Variants in ZNF627 observed in about 807,000 individuals in gnomAD.
ZNF627 encodes the protein zinc finger protein 627.
ZNF627 carries 12 observed loss-of-function variants against 10.6 expected under a neutral mutation model. The ratio of observed to expected loss-of-function variants is 1.13; its 90% confidence interval spans 0.73 to 1.84. The LOEUF (loss-of-function observed/expected upper bound fraction) is 1.84, where lower values mean the gene tolerates loss of function less well. Among genes scored for constraint, ZNF627 ranks in the 40% most tolerant of loss-of-function variants. ZNF627 has a pLI of 0.00. For synonymous variants in ZNF627, 176 were observed against 187.1 expected (o/e 0.94, Z 0.48); for missense variants, 504 against 568.4 (o/e 0.89, Z 1.15).
Position 11,618,209 on chromosome 19 carries a change from C to CA in ZNF627, c.*321dup. 1 of 257,000 alleles carries CA rather than the reference C, an allele frequency of 3.9e-6. No homozygotes were observed. Among genetic ancestry groups the CA allele is most frequent in the Non-Finnish European group, 7.4e-6 (1 of 135,986 alleles). 15.9% of individuals were successfully genotyped at this position (257,000 alleles called of 1,614,324 possible). ...GGAAGTAAGTTAAGAAGGCATTAGT[C>CA]ATGGTTTGGAAGCACCATACAGGGA... On this transcript the variant is annotated 3_prime_UTR_variant, in exon 4 of 4. Coordinates refer to ENST00000361113, the MANE Select transcript of ZNF627 (RefSeq NM_145295.4).
intron 1 of ZNF627, among the ~76,000 whole-genome samples, chr19:11,612,531 T>C (rs1568442891): frequency 1.3e-5 from 2 of 149,170 alleles, no homozygotes; most frequent in Admixed American, 6.7e-5. Context: ...AAGCGATTCT[T>C]CTGCCTCAGC....
chr19:11,613,865 C>T (rs1312757032), intron 1 of ZNF627, among the ~76,000 whole-genome samples: 1 of 151,630 alleles, frequency 6.6e-6, no homozygotes, highest in East Asian at 1.9e-4. Flanking sequence ...TAAAGATACA[C>T]AGTCTCAGGG....
At position 11,600,090 on chromosome 19, in the gene ZNF627, G is replaced by A. The variant is rs375037125; in HGVS notation, c.3+2460G>A. Among the ~76,000 whole-genome samples, 124 of 152,176 alleles carry A rather than the reference G, an allele frequency of 8.1e-4. 1 individual carries two copies. Among genetic ancestry groups the A allele is most frequent in the African/African-American group, 2.9e-3 (122 of 41,524 alleles). ...AAATATAAGACAGTTTTGCAAAGAG[G>A]CAAGAAGGAAGTGGATTTCAGAAAA... is the stretch of plus-strand genomic sequence containing the variant. On this transcript the variant is annotated intron_variant, in intron 1 of 3. Transcript: ENST00000361113.
At chr19:11,605,658 A>G (rs1392795677) in intron 1 of ZNF627, among the ~76,000 whole-genome samples, 1 of 152,092 alleles carries the variant, frequency 6.6e-6, no homozygotes, top group Non-Finnish European at 1.5e-5. Context: ...ATTATCTCCC[A>G]CTTGCTCTCT....
chr19:11,616,480 A>G (rs1033000868), intron 3 of ZNF627, among the ~76,000 whole-genome samples: 4 of 152,144 alleles, frequency 2.6e-5, no homozygotes, highest in Non-Finnish European at 4.4e-5. Flanking sequence ...ATCCAAGGCC[A>G]GGCATGGTGG....
intron 3 of ZNF627, 118 bp from the exon 4 acceptor site, chr19:11,616,577 T>A (rs929129562): frequency 2.5e-5 from 18 of 708,638 alleles, no homozygotes; most frequent in Non-Finnish European, 3.5e-5. Flanking sequence ...CTGGGCAACA[T>A]AGTAAGATTC....
rs770915070 is a variant in ZNF627, at chr19:11,597,613, C to T, written c.-15C>T. The T allele has an allele frequency of 6.0e-6, 8 of 1,330,992 alleles. No homozygotes were observed. In the South Asian group the frequency reaches 2.0e-4, roughly 32 times the overall value. 82.4% of individuals were successfully genotyped at this position (1,330,992 alleles called of 1,614,324 possible). On this transcript the variant is annotated 5_prime_UTR_variant, in exon 1 of 4. Coordinates refer to ENST00000361113, the MANE Select transcript of ZNF627 (RefSeq NM_145295.4). ...GAGTCGTAGGGAGGACGCCGGGACA[C>T]CTGGAAGCCGAGAAATGGTGCGTGT...
intron 1 of ZNF627, among the ~76,000 whole-genome samples, chr19:11,599,303 A>G (rs924820780): frequency 4.6e-5 from 7 of 152,206 alleles, no homozygotes; most frequent in Non-Finnish European, 1.0e-4. Context: ...CACCCCTGGG[A>G]CACTCAGCTT....
At chr19:11,610,768 G>A (rs188800777) in intron 1 of ZNF627, among the ~76,000 whole-genome samples, 1 of 152,288 alleles carries the variant, frequency 6.6e-6, no homozygotes, top group Admixed American at 6.5e-5. Flanking sequence ...AACTTATGGA[G>A]CGCCTTTCTG....
intron 1 of ZNF627, among the ~76,000 whole-genome samples, chr19:11,602,263 G>A (rs1272690273): frequency 6.6e-6 from 1 of 152,094 alleles, no homozygotes; most frequent in African/African-American, 2.4e-5. Flanking sequence ...CCAAAGTTTT[G>A]TTAACAGGTA....
chr19:11,602,350 T>A (rs919120831), intron 1 of ZNF627, among the ~76,000 whole-genome samples: 14 of 152,216 alleles, frequency 9.2e-5, no homozygotes, highest in African/African-American at 2.9e-4. Flanking sequence ...ATTTCTAGTC[T>A]GTGTATGGCT....
Position 11,617,806 on chromosome 19 carries a change from C to G in ZNF627, c.1303C>G (p.Arg435Gly), listed in dbSNP as rs377186162. The G allele has an allele frequency of 7.5e-6, 12 of 1,610,036 alleles. No homozygotes were observed. The highest frequency in any genetic ancestry group is 1.0e-5 in the Non-Finnish European group (12 of 1,178,786). The part of the protein sequence containing the change: ...GKAFSRSTYF[R>G]VHEKIHTGEK... ...AGCCTTCAGTCGATCCACTTACTTT[C>G]GAGTACATGAAAAAATTCATACTGG... Residue 435 changes from arginine to glycine, a missense_variant, in exon 4 of 4, where the codon CGA becomes GGA. Transcript: ENST00000361113.
intron 1 of ZNF627, among the ~76,000 whole-genome samples, chr19:11,600,166 C>T (rs1973560259): frequency 6.6e-6 from 1 of 152,124 alleles, no homozygotes; most frequent in East Asian, 1.9e-4. Context: ...TATGGCTGGG[C>T]GCGATGGCTC....
chr19:11,605,127 A>C (rs1973652742), intron 1 of ZNF627, among the ~76,000 whole-genome samples: 1 of 122,526 alleles, frequency 8.2e-6, no homozygotes, highest in African/African-American at 3.2e-5. Context: ...TCTGTCACCC[A>C]GGCTGGAGTG....
intron 1 of ZNF627, among the ~76,000 whole-genome samples, chr19:11,599,957 C>T (rs571515064): frequency 1.8e-4 from 27 of 152,150 alleles, no homozygotes; most frequent in African/African-American, 4.8e-4. Context: ...TCCAGGTTAG[C>T]GCAGCCCCTT....
intron 1 of ZNF627, among the ~76,000 whole-genome samples, chr19:11,614,120 C>T (rs1973825501): frequency 6.6e-6 from 1 of 151,938 alleles, no homozygotes; most frequent in South Asian, 2.1e-4. Flanking sequence ...TGGGGTTTCA[C>T]CTTGTTAGCC....
chr19:11,600,339 C>G (rs530152420), intron 1 of ZNF627, among the ~76,000 whole-genome samples: 1 of 152,108 alleles, frequency 6.6e-6, no homozygotes, highest in East Asian at 1.9e-4. Context: ...ACTTGGGAGG[C>G]TGAGGCAGGA....
chr19:11,599,597 T>A (rs1234411967), intron 1 of ZNF627, among the ~76,000 whole-genome samples: 1 of 151,978 alleles, frequency 6.6e-6, no homozygotes, highest in African/African-American at 2.4e-5. Flanking sequence ...GTGGACGATA[T>A]CCCAGGTGAT....
At chr19:11,601,862 C>T (rs932634411) in intron 1 of ZNF627, among the ~76,000 whole-genome samples, 50 of 151,434 alleles carry the variant, frequency 3.3e-4, no homozygotes, top group African/African-American at 1.2e-3. Context: ...AAAAATTAGC[C>T]GGGCATGGTG....
Sources: gnomAD v4.1 joint callset for allele counts (sites outside exome capture counted in the v4.1 genomes callset) on GRCh38, gnomAD v4.1.1 for gene constraint, MANE v1.5 for transcripts, NCBI Gene and HGNC (gene_info 2026-07-23, HGNC 2026-07-21) for gene names.